MPDZ: variants seen among roughly 807,000 people sequenced by gnomAD.
MPDZ encodes the protein multiple PDZ domain crumbs cell polarity complex component.
MPDZ carries 234 observed loss-of-function variants against 239.1 expected under a neutral mutation model. The ratio of observed to expected loss-of-function variants is 0.98; its 90% CI spans 0.88 to 1.09. MPDZ has a LOEUF of 1.09. Ranked by LOEUF, MPDZ falls within the 50% of genes least tolerant of loss-of-function variation. The probability of loss-of-function intolerance (pLI) is 0.00; values close to 1 mark genes in which losing one functional copy is unlikely to be tolerated. For synonymous variants in MPDZ, 1,048 were observed against 881.3 expected, an observed-to-expected ratio of 1.19 and a Z score of -3.35; for missense variants, 3,175 against 2,510.0, an observed-to-expected ratio of 1.26 and a Z score of -5.66.
At chr9:13,245,022 T>C (rs1156860777) in intron 3 of MPDZ, among the ~76,000 whole-genome samples, 4 of 152,086 alleles carry the variant, frequency 2.6e-5, no homozygotes, top group Admixed American at 2.0e-4. Flanking sequence ...AATTATACAT[T>C]TGAAAACAGG....
chr9:13,226,439 C>T (rs1032195631), intron 3 of MPDZ, among the ~76,000 whole-genome samples: 1 of 152,082 alleles, frequency 6.6e-6, no homozygotes, highest in African/African-American at 2.4e-5. Flanking sequence ...GACCTCATCT[C>T]CTAGCAGTCT....
intron 10 of MPDZ, among the ~76,000 whole-genome samples, chr9:13,212,744 GA>G (rs1249139743): frequency 6.8e-6 from 1 of 146,548 alleles, no homozygotes; most frequent in Non-Finnish European, 1.5e-5. Context: ...AGGCAGAGGC[GA>G]GAGGATCTGT....
intron 36 of MPDZ, 92 bp downstream of exon 36, chr9:13,123,061 C>T: frequency 7.6e-7 from 1 of 1,316,882 alleles, no homozygotes; most frequent in Non-Finnish European, 1.0e-6. Context: ...TTCACATTTC[C>T]TTTACTAGAA....
chr9:13,150,921 CT>C (rs1312660400), intron 24 of MPDZ, among the ~76,000 whole-genome samples: 1 of 151,944 alleles, frequency 6.6e-6, no homozygotes. Context: ...AATAACATAT[CT>C]GATAAGAGAT....
chr9:13,245,577 C>T (rs1009798653), intron 3 of MPDZ, among the ~76,000 whole-genome samples: 3 of 152,076 alleles, frequency 2.0e-5, no homozygotes, highest in African/African-American at 7.2e-5. Context: ...TTAGTTTTCC[C>T]CTGTATATGA....
At chr9:13,143,009 C>T (rs1226268267) in intron 27 of MPDZ, among the ~76,000 whole-genome samples, 3 of 152,050 alleles carry the variant, frequency 2.0e-5, no homozygotes, top group African/African-American at 7.2e-5. Context: ...CATGAATATT[C>T]AACAGACTCC....
rs768814267 is a variant in MPDZ at position 13,193,273 on chromosome 9, C to T, written c.1697G>A (p.Gly566Glu). Residue 566 changes from glycine to glutamate, a missense_variant, in exon 14 of 47, where the codon GGG (glycine) becomes GAG (glutamate). Coordinates refer to ENST00000319217, the MANE Select transcript of MPDZ (RefSeq NM_001378778.1). ...VSKFSENSGL[G>E]ISLEATVGHH... Reference sequence around the variant, plus strand: ...TCCCACTGTCGCTTCCAGGCTTATCCCCAATCCACTGTTCTCACTAAACTT... The same window carrying T: ...TCCCACTGTCGCTTCCAGGCTTATCTCCAATCCACTGTTCTCACTAAACTT... 1.2e-6 allele frequency: 2 copies of T among 1,611,990 alleles called. No homozygotes were observed. Among genetic ancestry groups the T allele is most frequent in the South Asian group, 2.2e-5 (2 of 90,860 alleles).
intron 1 of MPDZ, among the ~76,000 whole-genome samples, chr9:13,273,874 A>C (rs1268957806): frequency 6.6e-6 from 1 of 152,202 alleles, no homozygotes; most frequent in Non-Finnish European, 1.5e-5. Context: ...ACTGTATCAT[A>C]TCTCTTCAAA....
chr9:13,229,533 A>G (rs1272290150), intron 3 of MPDZ, among the ~76,000 whole-genome samples: 1 of 151,540 alleles, frequency 6.6e-6, no homozygotes, highest in Non-Finnish European at 1.5e-5. Context: ...AAAAAAAGAT[A>G]AAAATACCTG....
chr9:13,224,832 G>T (rs1391902144), intron 3 of MPDZ, among the ~76,000 whole-genome samples: 2 of 152,036 alleles, frequency 1.3e-5, no homozygotes, highest in East Asian at 1.9e-4. Flanking sequence ...TACCGCCAGG[G>T]TTCAACTTCA....
At chr9:13,113,204 TC>T (rs1200636306) in intron 41 of MPDZ, 150 bp from the exon 42 acceptor site, 1 of 644,864 alleles carries the variant, frequency 1.6e-6, no homozygotes, top group Non-Finnish European at 2.7e-6. Flanking sequence ...CATGATTAGA[TC>T]TGTCTTACAC....
chr9:13,168,610 C>A, intron 21 of MPDZ, 46 bp from the exon 22 acceptor site: 2 of 1,276,204 alleles, frequency 1.6e-6, no homozygotes, highest in Non-Finnish European at 2.1e-6. Context: ...CATGATTTTT[C>A]AATTCATTTT....
At chr9:13,232,321 G>C (rs1005930511) in intron 3 of MPDZ, among the ~76,000 whole-genome samples, 1 of 152,028 alleles carries the variant, frequency 6.6e-6, no homozygotes, top group Admixed American at 6.6e-5. Flanking sequence ...ATCTGTTCAA[G>C]ATATGATTAA....
At chr9:13,249,567 C>T (rs1054008377) in intron 2 of MPDZ, among the ~76,000 whole-genome samples, 2 of 152,080 alleles carry the variant, frequency 1.3e-5, no homozygotes, top group African/African-American at 4.8e-5. Flanking sequence ...CCCTCAAAAC[C>T]CACCGACATC....
At chr9:13,117,748 G>A (rs568197843) in intron 39 of MPDZ, among the ~76,000 whole-genome samples, 33 of 151,126 alleles carry the variant, frequency 2.2e-4, no homozygotes, top group African/African-American at 7.8e-4. Context: ...AGTTTTAAAT[G>A]AACAATTACT....
chr9:13,135,872 C>A, intron 31 of MPDZ: 2 of 366,476 alleles, frequency 5.5e-6, no homozygotes, highest in Non-Finnish European at 9.7e-6. Context: ...CTTTTCCTAC[C>A]CTCACTATTC....
At chr9:13,142,751 C>T (rs1216845285) in intron 27 of MPDZ, among the ~76,000 whole-genome samples, 6 of 152,002 alleles carry the variant, frequency 3.9e-5, no homozygotes, top group African/African-American at 9.7e-5. Flanking sequence ...TTTGGTTATC[C>T]ATATCAATAA....
rs200070373 is a variant in MPDZ, at chr9:13,190,668, GATAA to G, written c.1969-373_1969-370del. Among the ~76,000 whole-genome samples, 321 of 152,090 alleles carry G rather than the reference GATAA, an allele frequency of 2.1e-3. 3 individuals carry two copies. Among genetic ancestry groups the G allele is most frequent in the East Asian group, 0.017 (87 of 5,164 alleles). ...GATATTAAATAAAAGGAATTCTTAT[GATAA>G]ATAAAAACAAGAGAAAATGGATATA... On this transcript the variant is annotated intron_variant, in intron 15 of 46. Transcript: ENST00000319217.
At chr9:13,121,984 T>C (rs753120883) in intron 37 of MPDZ, 52 bp from the exon 38 acceptor site, 1 of 1,597,000 alleles carries the variant, frequency 6.3e-7, no homozygotes, top group South Asian at 1.1e-5. Flanking sequence ...TAAAGGAGAG[T>C]TAGGTGGGGA....
Sources: gnomAD v4.1 joint callset for allele counts (sites outside exome capture counted in the v4.1 genomes callset) on GRCh38, gnomAD v4.1.1 for gene constraint, MANE v1.5 for transcripts, NCBI Gene and HGNC (gene_info 2026-07-23, HGNC 2026-07-21) for gene names.